Variants in CAPN13 observed in about 807,000 individuals in gnomAD.
The protein encoded by CAPN13 is calpain-13.
Under a neutral mutation model 98.4 loss-of-function variants are expected in CAPN13, and 90 were observed. The observed-to-expected ratio is 0.92, with a 90% CI of 0.77 to 1.09. CAPN13 has a LOEUF of 1.09. Among genes scored for constraint, CAPN13 ranks in the 50% least tolerant of loss-of-function variants. CAPN13 has a pLI of 0.00. For synonymous variants in CAPN13, 330 were observed against 305.5 expected (o/e 1.08, Z -0.84); for missense variants, 887 against 841.3 (o/e 1.05, Z -0.67).
intron 1 of CAPN13, among the ~76,000 whole-genome samples, chr2:30,790,413 CAAG>C (rs1423468643): frequency 1.3e-5 from 2 of 152,116 alleles, no homozygotes; most frequent in African/African-American, 4.8e-5. Flanking sequence ...TTGGGTGTTG[CAAG>C]AAAAGTCACA....
At chr2:30,752,948 C>T (rs1672252199) in intron 10 of CAPN13, 105 bp downstream of exon 10, 1 of 1,269,150 alleles carries the variant, frequency 7.9e-7, no homozygotes, top group African/African-American at 1.5e-5. Context: ...CAGCTTCAGG[C>T]TCATGGTCCA....
At chr2:30,790,538 C>G (rs750445042) in intron 1 of CAPN13, among the ~76,000 whole-genome samples, 1 of 152,150 alleles carries the variant, frequency 6.6e-6, no homozygotes, top group Non-Finnish European at 1.5e-5. Context: ...AAGCAGGAGC[C>G]GTGGCTTAGG....
At chr2:30,743,337 AAAGTT>A in intron 13 of CAPN13, 41 bp downstream of exon 13, 4 of 1,519,130 alleles carry the variant, frequency 2.6e-6, no homozygotes, top group Non-Finnish European at 3.7e-6. Flanking sequence ...GTGTTTTTAT[AAAGTT>A]AAGTAGAATA....
At chr2:30,781,762 T>A (rs1209310442) in intron 2 of CAPN13, among the ~76,000 whole-genome samples, 2 of 152,174 alleles carry the variant, frequency 1.3e-5, no homozygotes, top group African/African-American at 4.8e-5. Flanking sequence ...TATAAGCATG[T>A]GAGCCAATCC....
At chr2:30,732,257 G>A (rs573813276) in intron 20 of CAPN13, among the ~76,000 whole-genome samples, 181 bp downstream of exon 20, 1 of 152,158 alleles carries the variant, frequency 6.6e-6, no homozygotes, top group Admixed American at 6.5e-5. Flanking sequence ...CAGGGGAGAG[G>A]GGGGTGCGGA....
chr2:30,760,718 A>G (rs1037359017), intron 7 of CAPN13, among the ~76,000 whole-genome samples: 2 of 152,186 alleles, frequency 1.3e-5, no homozygotes, highest in Non-Finnish European at 2.9e-5. Flanking sequence ...AACCAAGTCA[A>G]GTTCGTGAGC....
intron 13 of CAPN13, among the ~76,000 whole-genome samples, chr2:30,742,891 C>A (rs963055179): frequency 2.6e-5 from 4 of 152,056 alleles, no homozygotes; most frequent in African/African-American, 9.7e-5. Context: ...CCTGCTATAC[C>A]CCACATTTCA....
At chr2:30,746,913 T>A (rs541514760) in intron 11 of CAPN13, among the ~76,000 whole-genome samples, 39 of 152,178 alleles carry the variant, frequency 2.6e-4, no homozygotes, top group Non-Finnish European at 4.6e-4. Context: ...TTCACAGCAA[T>A]GATGATCGCA....
chr2:30,803,705 G>C (rs1675432574), intron 1 of CAPN13, among the ~76,000 whole-genome samples: 1 of 152,052 alleles, frequency 6.6e-6, no homozygotes, highest in South Asian at 2.1e-4. Flanking sequence ...GCGGCAGTGG[G>C]CAAATCTCCA....
chr2:30,739,354 G>A (rs1671540109), intron 15 of CAPN13, among the ~76,000 whole-genome samples: 1 of 152,012 alleles, frequency 6.6e-6, no homozygotes, highest in Non-Finnish European at 1.5e-5. Flanking sequence ...TGCCTCCTGG[G>A]GGTCTTCTGA....
Position 30,731,291 on chromosome 2 carries a change from CA to C in CAPN13, c.1983+52del, listed in dbSNP as rs1400662035. 30 of 1,514,926 alleles carry C rather than the reference CA, an allele frequency of 2.0e-5. No homozygotes were observed. In the East Asian group the frequency reaches 6.6e-4, roughly 33 times the overall value. The allele number at this position is 1,514,926 out of a possible 1,614,324, so 93.8% of individuals were successfully genotyped here. A position where few individuals can be genotyped will look rare whatever the true frequency, so the allele number is the denominator to read the frequency against. On this transcript the variant is annotated intron_variant, in intron 21 of 22. Coordinates refer to ENST00000295055, the MANE Select transcript of CAPN13 (RefSeq NM_144575.3). ...AGAAAAATGCCCTCTGGAATCAAGT[CA>C]GGGGAGGCAGCCTGGGACTGTGCCT...
rs910173502 is a variant in CAPN13, at chr2:30,770,465, G to A, written c.388-16C>T. ...ATTGCCAGAACTGGAAGAGAGCCAA[G>A]CATATGCTTTGACAGAGTTGAGGCA... On this transcript the variant is annotated splice_polypyrimidine_tract_variant and intron_variant, in intron 4 of 22. Transcript: ENST00000295055. 7 of 1,612,538 alleles carry A rather than the reference G, an allele frequency of 4.3e-6. No individual in the cohort carries two copies. In the African/African-American group the frequency reaches 9.3e-5, roughly 22 times the overall value.
intron 4 of CAPN13, among the ~76,000 whole-genome samples, chr2:30,772,983 G>A (rs1295068464): frequency 2.0e-5 from 3 of 152,044 alleles, no homozygotes; most frequent in Non-Finnish European, 2.9e-5. Flanking sequence ...GCGCCACCAC[G>A]CCCAGTTAAT....
intron 5 of CAPN13, 123 bp from the exon 6 acceptor site, chr2:30,764,429 T>A: frequency 1.0e-6 from 1 of 1,004,438 alleles, no homozygotes; most frequent in Non-Finnish European, 1.5e-6. Flanking sequence ...CTCCTGATCA[T>A]GGCCACCCAC....
At chr2:30,733,557 G>A (rs1204281052) in intron 19 of CAPN13, among the ~76,000 whole-genome samples, 2 of 152,074 alleles carry the variant, frequency 1.3e-5, no homozygotes, top group African/African-American at 4.8e-5. Flanking sequence ...GAGCTTGTTA[G>A]AAATGCAAAT....
intron 2 of CAPN13, among the ~76,000 whole-genome samples, chr2:30,779,485 G>A (rs1019647358): frequency 1.1e-4 from 16 of 152,200 alleles, no homozygotes; most frequent in African/African-American, 3.9e-4. Flanking sequence ...GCTCCCAACA[G>A]CCTTGTAAAG....
At position 30,732,454 on chromosome 2, in the gene CAPN13, C is replaced by A. The variant is rs371271607; in HGVS notation, c.1911G>T (p.Arg637=). Residue 637 remains arginine, a synonymous_variant, in exon 20 of 23, where the codon CGG becomes CGT. Coordinates refer to ENST00000295055, the MANE Select transcript of CAPN13 (RefSeq NM_144575.3). ...SFPSLVCFLM[R]LEAMAKTFRN... Reference sequence around the variant, plus strand: ...GACACTTACTTGCCATGGCTTCAAGCCGCATCAGGAAGCAGACCAGGCTGG... The same window carrying A: ...GACACTTACTTGCCATGGCTTCAAGACGCATCAGGAAGCAGACCAGGCTGG... The A allele has an allele frequency of 1.4e-5, 23 of 1,613,446 alleles. No individual in the cohort carries two copies. The highest frequency in any genetic ancestry group is 1.7e-5 in the Non-Finnish European group (20 of 1,179,778).
In CAPN13 at chr2:30,753,213, T is replaced by C. The variant is rs1455543356; in HGVS notation, c.942-15A>G. 3 of 1,613,564 alleles carry C rather than the reference T, an allele frequency of 1.9e-6. No individual in the cohort carries two copies. The highest frequency in any genetic ancestry group is 2.5e-6 in the Non-Finnish European group (3 of 1,179,666). Reference sequence around the variant, plus strand: ...GACACGACATCCTGTTAAAAACAGATATACATCACTCAGTGACCAGGGGTT... The same window carrying C: ...GACACGACATCCTGTTAAAAACAGACATACATCACTCAGTGACCAGGGGTT... On this transcript the variant is annotated splice_polypyrimidine_tract_variant and intron_variant, in intron 9 of 22. Coordinates refer to ENST00000295055, the MANE Select transcript of CAPN13 (RefSeq NM_144575.3).
chr2:30,753,895 C>T (rs1408320402), intron 9 of CAPN13, among the ~76,000 whole-genome samples: 1 of 152,154 alleles, frequency 6.6e-6, no homozygotes, highest in Non-Finnish European at 1.5e-5. Context: ...GCTATAGAGT[C>T]TGCATCCTGC....
Sources: allele counts gnomAD v4.1 joint callset (sites outside exome capture counted in the v4.1 genomes callset), GRCh38; gene constraint gnomAD v4.1.1; transcripts MANE v1.5; gene names NCBI Gene and HGNC (gene_info 2026-07-23, HGNC 2026-07-21).